Variants in RAD23B observed in about 807,000 individuals in gnomAD.
The protein encoded by RAD23B is lysine-specific demethylase RAD23B.
A neutral mutation model predicts 49.1 loss-of-function variants in RAD23B; 5 were observed. The ratio of observed to expected loss-of-function variants is 0.10; its 90% CI spans 0.05 to 0.21. RAD23B has a LOEUF of 0.21. RAD23B is among the 10% of genes least tolerant of loss of function. The pLI is 1.00. For synonymous variants in RAD23B, 184 were observed against 165.4 expected, an observed-to-expected ratio of 1.11 and a Z score of -0.86; for missense variants, 356 against 486.7, an observed-to-expected ratio of 0.73 and a Z score of 2.53.
At chr9:107,324,488 A>G (rs1233848349) in intron 8 of RAD23B, among the ~76,000 whole-genome samples, 1 of 152,218 alleles carries the variant, frequency 6.6e-6, no homozygotes. Context: ...AATGCCCACT[A>G]GTGTGGAAGG....
At chr9:107,312,557 A>G (rs1168171913) in intron 5 of RAD23B, among the ~76,000 whole-genome samples, 2 of 151,284 alleles carry the variant, frequency 1.3e-5, no homozygotes, top group Non-Finnish European at 1.5e-5. Context: ...ATGTACATTT[A>G]GTGGCAAAAC....
chr9:107,291,729 G>A (rs568134838), intron 1 of RAD23B, among the ~76,000 whole-genome samples: 144 of 152,088 alleles, frequency 9.5e-4, no homozygotes, highest in Non-Finnish European at 1.1e-3. Context: ...GAGAAGAACC[G>A]AAGAACCAAA....
Position 107,330,542 on chromosome 9 carries a change from C to G in RAD23B, c.*886C>G, listed in dbSNP as rs1827287853. 6.6e-6 allele frequency: 1 copy of G among 152,598 alleles called. No individual in the cohort carries two copies. The highest frequency in any genetic ancestry group is 2.4e-5 in the African/African-American group (1 of 41,448). The allele number at this position is 152,598 out of a possible 1,614,324, so 9.5% of individuals were successfully genotyped here. On this transcript the variant is annotated 3_prime_UTR_variant, in exon 10 of 10. Coordinates refer to ENST00000358015, the MANE Select transcript of RAD23B (RefSeq NM_002874.5). The surrounding 1 kb of genome is among the most constrained non-coding windows in gnomAD (Gnocchi z 4.4). ...GCATTCACTCTCCCTGTCTTTTCCCCTTCCCTCAGCAGAAACGTGTTTATC... is the reference window on the plus strand; with the variant it reads ...GCATTCACTCTCCCTGTCTTTTCCCGTTCCCTCAGCAGAAACGTGTTTATC...
chr9:107,329,780 T>TGGGG lies in RAD23B; in HGVS notation c.*125_*128dup. On this transcript the variant is annotated 3_prime_UTR_variant, in exon 10 of 10. Coordinates refer to ENST00000358015, the MANE Select transcript of RAD23B (RefSeq NM_002874.5). The stretch of plus-strand genomic sequence containing the variant: ...GTATAAGGTAGTAGATTGTTGGGGG[T>TGGGG]GGGGAGGGAGGGATCTAGGATACAG... The TGGGG allele has an allele frequency of 3.7e-6, 1 of 272,578 alleles. No individual in the cohort carries two copies. The highest frequency in any genetic ancestry group is 7.5e-6 in the Non-Finnish European group (1 of 132,620). 16.9% of individuals were successfully genotyped at this position (272,578 alleles called of 1,614,324 possible).
rs776877688 is a variant in RAD23B at position 107,331,760 on chromosome 9, C to T, written c.*2104C>T. 2 of 775,860 alleles carry T rather than the reference C, an allele frequency of 2.6e-6. No homozygotes were observed. The highest frequency in any genetic ancestry group is 4.8e-6 in the Non-Finnish European group (2 of 417,056). 48.1% of individuals were successfully genotyped at this position (775,860 alleles called of 1,614,324 possible). On this transcript the variant is annotated 3_prime_UTR_variant, in exon 10 of 10. Coordinates refer to ENST00000358015, the MANE Select transcript of RAD23B (RefSeq NM_002874.5). ...GCATGGAGCTTGTGTCCTTGGACAA[C>T]AAATCTGGATATACTAGGATTAATT...
intron 9 of RAD23B, among the ~76,000 whole-genome samples, chr9:107,327,589 C>T (rs1029872001): frequency 6.6e-6 from 1 of 152,100 alleles, no homozygotes; most frequent in Non-Finnish European, 1.5e-5. Flanking sequence ...TTTCTCCTTT[C>T]GATTTCTAAA....
chr9:107,324,508 C>T (rs817835), intron 8 of RAD23B, among the ~76,000 whole-genome samples: 147,821 of 152,294 alleles, frequency 0.97, 71,766 homozygotes, highest in African/African-American at 0.99. Flanking sequence ...GTAAAAAATA[C>T]ATGCAAGTAT....
chr9:107,331,767 G>GGA lies in RAD23B; in HGVS notation c.*2112_*2113dup, dbSNP rs765486139. On this transcript the variant is annotated 3_prime_UTR_variant, in exon 10 of 10. Transcript: ENST00000358015. Reference sequence around the variant, plus strand: ...GCTTGTGTCCTTGGACAACAAATCTGGATATACTAGGATTAATTATCAGAA... The same window carrying GGA: ...GCTTGTGTCCTTGGACAACAAATCTGGAGATATACTAGGATTAATTATCAGAA... The GGA allele has an allele frequency of 1.4e-5, 11 of 771,742 alleles. No homozygotes were observed. Among genetic ancestry groups the GGA allele is most frequent in the African/African-American group, 1.0e-4 (6 of 58,492 alleles). 47.8% of individuals were successfully genotyped at this position (771,742 alleles called of 1,614,324 possible).
At chr9:107,321,736 A>G (rs1220938530) in intron 6 of RAD23B, among the ~76,000 whole-genome samples, 1 of 152,152 alleles carries the variant, frequency 6.6e-6, no homozygotes, top group Non-Finnish European at 1.5e-5. Flanking sequence ...CATCATGGTA[A>G]GTTCTGTTGG....
At chr9:107,303,760 G>C (rs1826706069) in intron 3 of RAD23B, among the ~76,000 whole-genome samples, 1 of 152,074 alleles carries the variant, frequency 6.6e-6, no homozygotes, top group Non-Finnish European at 1.5e-5. Context: ...TTCCTATCTA[G>C]TTTTAGCATA....
chr9:107,324,791 A>C, intron 8 of RAD23B, 43 bp from the exon 9 acceptor site: 1 of 1,501,606 alleles, frequency 6.7e-7, no homozygotes, highest in South Asian at 1.3e-5. Flanking sequence ...GCAGATACTT[A>C]ATATCAGTGT....
At chr9:107,314,266 G>A (rs1436131381) in intron 5 of RAD23B, among the ~76,000 whole-genome samples, 1 of 152,172 alleles carries the variant, frequency 6.6e-6, no homozygotes, top group African/African-American at 2.4e-5. Flanking sequence ...TTATGTGGTG[G>A]TGAAGTTTGG....
intron 3 of RAD23B, among the ~76,000 whole-genome samples, chr9:107,306,085 A>ATATATGTATATATATATATACCCTC (rs1554741862): frequency 8.1e-6 from 1 of 122,928 alleles, no homozygotes; most frequent in Non-Finnish European, 1.7e-5. Flanking sequence ...ATATATCTAT[A>ATATATGTATATATATATATACCCTC]TATATTTCAA....
chr9:107,319,128 C>CTTTTTTTT lies in RAD23B; in HGVS notation c.681+262_681+269dup, dbSNP rs56891354. ...TATTCAGAACAAAAATTTCTTTTTT[C>CTTTTTTTT]TTTTTTTTTTTTTTTTTTTTGAGAC... On this transcript the variant is annotated intron_variant, in intron 6 of 9. Coordinates refer to ENST00000358015, the MANE Select transcript of RAD23B (RefSeq NM_002874.5). Among the ~76,000 whole-genome samples the CTTTTTTTT allele has an allele frequency of 9.5e-4, 93 of 97,794 alleles. 3 individuals carry two copies. The highest frequency in any genetic ancestry group is 2.4e-3 in the African/African-American group (59 of 25,078). The allele number at this position is 97,794 out of a possible 152,430, so 64.2% of individuals were successfully genotyped here.
intron 3 of RAD23B, among the ~76,000 whole-genome samples, chr9:107,305,029 C>T (rs183359593): frequency 6.6e-6 from 1 of 152,124 alleles, no homozygotes; most frequent in African/African-American, 2.4e-5. Context: ...TGGCTGATGC[C>T]TGTAATCCCA....
Position 107,331,707 on chromosome 9 carries a change from T to G in RAD23B, c.*2051T>G, listed in dbSNP as rs1054213513. The stretch of plus-strand genomic sequence containing the variant: ...CTGGAAACAAAAAAAAAAAACAGCC[T>G]CTTCTTGGAAAGTGACAGCAGAAGG... On this transcript the variant is annotated 3_prime_UTR_variant, in exon 10 of 10. Coordinates refer to ENST00000358015, the MANE Select transcript of RAD23B (RefSeq NM_002874.5). 1 of 776,354 alleles carries G rather than the reference T, an allele frequency of 1.3e-6. No individual in the cohort carries two copies. Among genetic ancestry groups the G allele is most frequent in the Admixed American group, 1.7e-5 (1 of 58,714 alleles). The allele number at this position is 776,354 out of a possible 1,614,324, so 48.1% of individuals were successfully genotyped here.
At chr9:107,303,066 A>G (rs1826690837) in intron 3 of RAD23B, among the ~76,000 whole-genome samples, 1 of 151,754 alleles carries the variant, frequency 6.6e-6, no homozygotes, top group Non-Finnish European at 1.5e-5. Context: ...GATTTTTTTA[A>G]GAGACTATTT....
At chr9:107,287,074 CAAA>C (rs1227654857) in intron 1 of RAD23B, among the ~76,000 whole-genome samples, 35 of 94,264 alleles carry the variant, frequency 3.7e-4, no homozygotes, top group Middle Eastern at 6.3e-3. Flanking sequence ...GACTCCGTCT[CAAA>C]AAAAAAAAAA....
chr9:107,328,342 G>A (rs920213045), intron 9 of RAD23B, among the ~76,000 whole-genome samples: 2 of 152,136 alleles, frequency 1.3e-5, no homozygotes, highest in Admixed American at 6.5e-5. Flanking sequence ...AACATAGGTG[G>A]GGTGGGCGCA....
Sources: allele counts gnomAD v4.1 joint callset (sites outside exome capture counted in the v4.1 genomes callset), GRCh38; gene constraint gnomAD v4.1.1; non-coding constraint Gnocchi (gnomAD v3.1); transcripts MANE v1.5; gene names NCBI Gene and HGNC (gene_info 2026-07-23, HGNC 2026-07-21).